SYT14: variants seen among roughly 807,000 people sequenced by gnomAD.
SYT14 encodes the protein synaptotagmin-14.
In SYT14, 32 loss-of-function variants were observed where a neutral mutation model predicts 74.2. The observed-to-expected ratio is 0.43, with a 90% CI of 0.33 to 0.58. The LOEUF is 0.58. SYT14 is among the 20% of genes least tolerant of loss of function. The pLI is 0.05. For synonymous variants in SYT14, 298 were observed against 337.7 expected, an observed-to-expected ratio of 0.88 and a Z score of 1.29; for missense variants, 791 against 981.8, an observed-to-expected ratio of 0.81 and a Z score of 2.60.
intron 7 of SYT14, among the ~76,000 whole-genome samples, chr1:210,134,722 A>T (rs1445788267): frequency 2.0e-5 from 3 of 151,988 alleles, no homozygotes; most frequent in African/African-American, 4.8e-5. Context: ...TTACAGTACC[A>T]CTGTAAAACT....
At chr1:210,063,454 ATTCC>A (rs775412542) in intron 5 of SYT14, among the ~76,000 whole-genome samples, 5 of 151,802 alleles carry the variant, frequency 3.3e-5, no homozygotes, top group Non-Finnish European at 7.4e-5. Context: ...GTAACATCAT[ATTCC>A]TTGTCAAATC....
At chr1:210,111,186 G>C (rs941009600) in intron 7 of SYT14, among the ~76,000 whole-genome samples, 1 of 152,188 alleles carries the variant, frequency 6.6e-6, no homozygotes, top group African/African-American at 2.4e-5. Flanking sequence ...TCCAGAAAGA[G>C]GGTCAGTGAA....
chr1:209,998,602 T>A (rs898300393), intron 2 of SYT14, among the ~76,000 whole-genome samples: 1 of 152,026 alleles, frequency 6.6e-6, no homozygotes, highest in Non-Finnish European at 1.5e-5. Flanking sequence ...AGCAGACACA[T>A]AAACCAATGG....
chr1:210,015,583 T>A (rs1332170078), intron 3 of SYT14: 4 of 153,672 alleles, frequency 2.6e-5, no homozygotes, highest in African/African-American at 9.6e-5. Flanking sequence ...GAAATGATAC[T>A]GGGTAGTTTA....
intron 6 of SYT14, among the ~76,000 whole-genome samples, chr1:210,098,227 A>G (rs914177716): frequency 6.6e-6 from 1 of 152,118 alleles, no homozygotes; most frequent in Non-Finnish European, 1.5e-5. Context: ...CTCTGCAGAA[A>G]GAAGCACTCT....
intron 5 of SYT14, among the ~76,000 whole-genome samples, chr1:210,030,519 A>C (rs2080508123): frequency 6.6e-6 from 1 of 152,150 alleles, no homozygotes; most frequent in Non-Finnish European, 1.5e-5. Flanking sequence ...TGCATAGAAG[A>C]TCATATAATC....
intron 7 of SYT14, among the ~76,000 whole-genome samples, chr1:210,142,100 A>G (rs1196497835): frequency 6.6e-6 from 1 of 152,190 alleles, no homozygotes; most frequent in Non-Finnish European, 1.5e-5. Flanking sequence ...TGAGAATGGA[A>G]CTTTTCACAG....
intron 2 of SYT14, among the ~76,000 whole-genome samples, chr1:210,007,306 A>G (rs17318388): frequency 0.014 from 2,087 of 152,012 alleles, 16 homozygotes; most frequent in Middle Eastern, 0.041. Flanking sequence ...ACTTTGCAGT[A>G]TGGTCTTTAG....
exon 10 of SYT14, chr1:210,162,225 G>A (rs1414030978): frequency 2.3e-6 from 1 of 428,572 alleles, no homozygotes; most frequent in East Asian, 7.2e-5. Context: ...TCAACGTGAT[G>A]TCATCTTGTG....
chr1:210,063,956 T>C (rs923177607), intron 5 of SYT14, among the ~76,000 whole-genome samples: 5 of 151,956 alleles, frequency 3.3e-5, no homozygotes, highest in Admixed American at 6.6e-5. Flanking sequence ...TTTCCGTTTC[T>C]TATAAATCTC....
chr1:209,964,593 T>C (rs890484673), intron 2 of SYT14, among the ~76,000 whole-genome samples: 1 of 152,206 alleles, frequency 6.6e-6, no homozygotes, highest in Non-Finnish European at 1.5e-5. Context: ...TCTCCTACAA[T>C]TTATATTCCA....
At chr1:209,945,439 G>T (rs1363530777) in intron 1 of SYT14, among the ~76,000 whole-genome samples, 1 of 152,156 alleles carries the variant, frequency 6.6e-6, no homozygotes, top group Non-Finnish European at 1.5e-5. Flanking sequence ...GGGTAGTGAC[G>T]ATGGTCTAAG....
intron 7 of SYT14, among the ~76,000 whole-genome samples, chr1:210,145,900 C>T (rs2083023072): frequency 6.6e-6 from 1 of 152,218 alleles, no homozygotes; most frequent in African/African-American, 2.4e-5. Context: ...TCTCTAAAGG[C>T]AGTTTATCAT....
intron 1 of SYT14, among the ~76,000 whole-genome samples, chr1:209,942,202 C>T (rs1436352187): frequency 6.6e-6 from 1 of 152,084 alleles, no homozygotes; most frequent in Admixed American, 6.5e-5. Context: ...TGTCCAGAAG[C>T]GTATTTCTAA....
At chr1:210,095,777 T>C (rs147627468) in intron 6 of SYT14, among the ~76,000 whole-genome samples, 102 of 152,352 alleles carry the variant, frequency 6.7e-4, no homozygotes, top group Admixed American at 1.2e-3. Context: ...GTATCTGTTA[T>C]TGCTTTTTTT....
chr1:210,060,069 T>C lies in SYT14; in HGVS notation c.1313-34253T>C, dbSNP rs186744912. Among the ~76,000 whole-genome samples, 7 of 152,288 alleles carry C rather than the reference T, an allele frequency of 4.6e-5. No individual in the cohort carries two copies. In the East Asian group the frequency reaches 9.6e-4, roughly 21 times the overall value. On this transcript the variant is annotated intron_variant, in intron 5 of 9. Coordinates refer to ENST00000637265, the Ensembl canonical transcript of SYT14. ...TACATCTGTTTCAGCATTGGAATTA[T>C]ATGCAACTTCATTTGTTTTTTCTTA...
At chr1:209,941,050 A>C (rs1226376715) in intron 1 of SYT14, among the ~76,000 whole-genome samples, 1 of 152,198 alleles carries the variant, frequency 6.6e-6, no homozygotes, top group Non-Finnish European at 1.5e-5. Flanking sequence ...TGAACTGAAC[A>C]GATCGTTTAT....
intron 7 of SYT14, among the ~76,000 whole-genome samples, chr1:210,153,156 T>C (rs2083201530): frequency 6.6e-6 from 1 of 152,190 alleles, no homozygotes; most frequent in Admixed American, 6.5e-5. Flanking sequence ...TCATAGGGTA[T>C]GTGTATTTAT....
At chr1:210,055,744 A>G (rs1054075171) in intron 5 of SYT14, among the ~76,000 whole-genome samples, 5 of 152,052 alleles carry the variant, frequency 3.3e-5, no homozygotes, top group Non-Finnish European at 2.9e-5. Context: ...GCTCAAGACT[A>G]CAGTGAGCTA....
Sources: gnomAD v4.1 joint callset for allele counts (sites outside exome capture counted in the v4.1 genomes callset) on GRCh38, gnomAD v4.1.1 for gene constraint, MANE v1.5 for transcripts, NCBI Gene and HGNC (gene_info 2026-07-23, HGNC 2026-07-21) for gene names.